CDK8: variants seen among roughly 807,000 people sequenced by gnomAD.
CDK8 encodes the protein cyclin dependent kinase 8, also known as cyclin-dependent kinase 8.
CDK8 carries 29 observed loss-of-function variants against 71.5 expected under a neutral mutation model. The observed-to-expected ratio is 0.41, with a 90% confidence interval of 0.30 to 0.55. The LOEUF (loss-of-function observed/expected upper bound fraction) is 0.55, where lower values mean the gene tolerates loss of function less well. Among genes scored for constraint, CDK8 ranks in the 20% least tolerant of loss-of-function variants. The pLI is 0.37. For missense variants in CDK8, 288 were observed against 572.6 expected, an observed-to-expected ratio of 0.50 and a Z score of 5.07; for synonymous variants, 161 against 192.1, an observed-to-expected ratio of 0.84 and a Z score of 1.34.
At chr13:26,360,770 A>T (rs186306522) in intron 4 of CDK8, among the ~76,000 whole-genome samples, 180 of 152,312 alleles carry the variant, frequency 1.2e-3, no homozygotes, top group African/African-American at 4.2e-3. Context: ...GATTTTACCT[A>T]ATGCTTATGC....
chr13:26,346,438 G>T (rs1873464582), intron 2 of CDK8, among the ~76,000 whole-genome samples: 1 of 152,126 alleles, frequency 6.6e-6, no homozygotes, highest in South Asian at 2.1e-4. Context: ...GGAATTTGTT[G>T]TTTTTTTATA....
At chr13:26,335,869 G>A (rs1291179753) in intron 1 of CDK8, among the ~76,000 whole-genome samples, 1 of 151,866 alleles carries the variant, frequency 6.6e-6, no homozygotes, top group African/African-American at 2.4e-5. Context: ...GCATTCACAA[G>A]GCAGCCAAAG....
Position 26,287,624 on chromosome 13 carries a change from A to G in CDK8, c.128+32855A>G, listed in dbSNP as rs1041472313. Among the ~76,000 whole-genome samples the G allele has an allele frequency of 2.6e-5, 4 of 152,338 alleles. No homozygotes were observed. The East Asian group carries it at 7.7e-4, about 29-fold the overall frequency. ...AGACTACATATTGGGTACAGTGTAC[A>G]CTGCTCAGGTGATGGGTGCATCAAA... On this transcript the variant is annotated intron_variant, in intron 1 of 12. Transcript: ENST00000381527.
intron 4 of CDK8, among the ~76,000 whole-genome samples, chr13:26,382,280 T>C (rs1875264624): frequency 6.6e-6 from 1 of 152,234 alleles, no homozygotes; most frequent in Non-Finnish European, 1.5e-5. Context: ...ATCTTAAAAC[T>C]GTTCCTGTCA....
At chr13:26,373,852 AGT>A (rs1300410298) in intron 4 of CDK8, among the ~76,000 whole-genome samples, 1 of 151,872 alleles carries the variant, frequency 6.6e-6, no homozygotes, top group African/African-American at 2.4e-5. Context: ...GAAAAGAGAT[AGT>A]GTGTGTTTTT....
chr13:26,302,785 T>G (rs1279237067), intron 1 of CDK8, among the ~76,000 whole-genome samples: 1 of 152,224 alleles, frequency 6.6e-6, no homozygotes, highest in African/African-American at 2.4e-5. Context: ...ATATTGTAAC[T>G]GTTAACTTAA....
chr13:26,279,760 T>A (rs1872673677), intron 1 of CDK8, among the ~76,000 whole-genome samples: 1 of 152,212 alleles, frequency 6.6e-6, no homozygotes, highest in Admixed American at 6.5e-5. Flanking sequence ...CATTTGAGTA[T>A]GAATTATAAA....
At chr13:26,380,185 T>A (rs933388099) in intron 4 of CDK8, among the ~76,000 whole-genome samples, 2 of 151,832 alleles carry the variant, frequency 1.3e-5, no homozygotes, top group Non-Finnish European at 2.9e-5. Context: ...TAGAAGTAGG[T>A]GTTCTTTTTT....
intron 6 of CDK8, among the ~76,000 whole-genome samples, chr13:26,390,094 T>C (rs1875677153): frequency 6.6e-6 from 1 of 152,178 alleles, no homozygotes; most frequent in Non-Finnish European, 1.5e-5. Flanking sequence ...TCCTCCTGTC[T>C]CCTGCAGAGG....
chr13:26,401,415 G>A lies in CDK8; in HGVS notation c.1111-51G>A, dbSNP rs1293538523. 3 of 1,612,904 alleles carry A rather than the reference G, an allele frequency of 1.9e-6. No individual in the cohort carries two copies. Among genetic ancestry groups the A allele is most frequent in the Non-Finnish European group, 2.5e-6 (3 of 1,178,978 alleles). On this transcript the variant is annotated intron_variant, in intron 11 of 12. Transcript: ENST00000381527. The surrounding 1 kb of genome is among the most constrained non-coding windows in gnomAD (Gnocchi z 4.5). ...GCCTCCATAACATTTTCCATTGTGG[G>A]TATATTTTGTTCTCCCTCTGAGCTG...
At position 26,392,568 on chromosome 13, in the gene CDK8, C is replaced by T. The variant is rs138590041; in HGVS notation, c.647-799C>T. On this transcript the variant is annotated intron_variant, in intron 6 of 12. Transcript: ENST00000381527. ...GTCTTGATTTCCTGACCTCGTGATC[C>T]GTCCTCCTCAGCCTCCCAACATGCT... 5.9e-5 allele frequency among the ~76,000 whole-genome samples: 9 copies of T among 152,136 alleles called. No individual in the cohort carries two copies. The East Asian group carries it at 1.2e-3, about 20-fold the overall frequency.
chr13:26,396,396 AC>A, intron 8 of CDK8, 42 bp downstream of exon 8: 1 of 905,498 alleles, frequency 1.1e-6, no homozygotes, highest in Non-Finnish European at 1.7e-6. Flanking sequence ...TTTTTGCTTT[AC>A]CAGAATACTC....
chr13:26,280,639 A>G (rs1872708383), intron 1 of CDK8, among the ~76,000 whole-genome samples: 1 of 152,240 alleles, frequency 6.6e-6, no homozygotes, highest in Non-Finnish European at 1.5e-5. Flanking sequence ...TACCTGTTCA[A>G]GTGTTTTGCC....
chr13:26,346,318 G>A (rs1453580935), intron 2 of CDK8, among the ~76,000 whole-genome samples: 1 of 152,170 alleles, frequency 6.6e-6, no homozygotes, highest in African/African-American at 2.4e-5. Flanking sequence ...CAGTGTTTTT[G>A]AATACAGGAG....
intron 2 of CDK8, among the ~76,000 whole-genome samples, chr13:26,338,711 A>G (rs1873095462): frequency 6.6e-6 from 1 of 152,128 alleles, no homozygotes; most frequent in Non-Finnish European, 1.5e-5. Context: ...AGGTGTCTGT[A>G]TGTTAACTGT....
At position 26,270,919 on chromosome 13, in the gene CDK8, A is replaced by G. The variant is rs558824025; in HGVS notation, c.128+16150A>G. 5.9e-5 allele frequency among the ~76,000 whole-genome samples: 9 copies of G among 152,190 alleles called. No homozygotes were observed. In the South Asian group the frequency reaches 1.9e-3, roughly 32 times the overall value. On this transcript the variant is annotated intron_variant, in intron 1 of 12. Coordinates refer to ENST00000381527, the MANE Select transcript of CDK8 (RefSeq NM_001260.3). ...AACTGTTTTCCACAGCTGCTACACC[A>G]TTTTGCGTTCCCACCAGCAGTGCAC...
intron 1 of CDK8, among the ~76,000 whole-genome samples, chr13:26,276,321 A>G (rs544637672): frequency 6.6e-6 from 1 of 152,346 alleles, no homozygotes; most frequent in African/African-American, 2.4e-5. Flanking sequence ...TGGGATTGAC[A>G]TACATGATTT....
intron 1 of CDK8, among the ~76,000 whole-genome samples, chr13:26,304,528 TA>T (rs1214259228): frequency 6.6e-6 from 1 of 152,164 alleles, no homozygotes; most frequent in East Asian, 1.9e-4. Context: ...TTCTAGAGAT[TA>T]AAACATGCAT....
intron 4 of CDK8, among the ~76,000 whole-genome samples, chr13:26,373,219 C>T (rs141081538): frequency 3.9e-5 from 6 of 152,206 alleles, no homozygotes; most frequent in Non-Finnish European, 8.8e-5. Flanking sequence ...CTTTTTCTTT[C>T]ATTGTACTAA....
Sources: gnomAD v4.1 joint callset for allele counts (sites outside exome capture counted in the v4.1 genomes callset) on GRCh38, gnomAD v4.1.1 for gene constraint, Gnocchi (gnomAD v3.1) non-coding constraint, MANE v1.5 for transcripts, NCBI Gene and HGNC (gene_info 2026-07-23, HGNC 2026-07-21) for gene names.